SYNE4: variants seen among roughly 807,000 people sequenced by gnomAD.
SYNE4 encodes the protein nesprin-4.
SYNE4 carries 41 observed loss-of-function variants against 46.9 expected under a neutral mutation model. The ratio of observed to expected loss-of-function variants is 0.87; its 90% confidence interval spans 0.68 to 1.13. SYNE4 has a LOEUF of 1.13. Among genes scored for constraint, SYNE4 ranks in the 50% most tolerant of loss-of-function variants. SYNE4 has a pLI of 0.00. For missense variants in SYNE4, 492 were observed against 514.8 expected, an observed-to-expected ratio of 0.96 and a Z score of 0.43; for synonymous variants, 221 against 219.5, an observed-to-expected ratio of 1.01 and a Z score of -0.06.
At position 36,008,384 on chromosome 19, in the gene SYNE4, G is replaced by C. The variant is rs13344146; in HGVS notation, c.129-17C>G. 176 of 1,556,628 alleles carry C rather than the reference G, an allele frequency of 1.1e-4. No individual in the cohort carries two copies. The highest frequency in any genetic ancestry group is 2.2e-4 in the Admixed American group (12 of 55,360). On this transcript the variant is annotated splice_polypyrimidine_tract_variant and intron_variant, in intron 1 of 7. Coordinates refer to ENST00000324444, the MANE Select transcript of SYNE4 (RefSeq NM_001039876.3). ...TGCTCTGGGCTAGGAGGCAGGGGGC[G>C]GTGACTGGGTGAGTCTCGACACCTC...
Position 36,003,483 on chromosome 19 carries a change from G to A in SYNE4, c.1069C>T (p.Leu357Phe), listed in dbSNP as rs1471802685. ...DPASRQPLTF[L>F]LILFLLFLLL... ...AGGAAGAGGAGGAAGAGGATAAGGA[G>A]GAAGGTCAGAGGCTGCCTGGATGCA... Residue 357 changes from leucine (L) to phenylalanine (F), a missense_variant, in exon 8 of 8, where the codon CTC (leucine) becomes TTC (phenylalanine). Physicochemically the swap from Leu to Phe is conservative, Grantham distance 22 (BLOSUM62 0). Transcript: ENST00000324444. 6.2e-7 allele frequency: 1 copy of A among 1,607,854 alleles called. No homozygotes were observed. Among genetic ancestry groups the A allele is most frequent in the Non-Finnish European group, 8.5e-7 (1 of 1,177,004 alleles).
In SYNE4 at chr19:36,006,538, G is replaced by C. The variant is rs755595726; in HGVS notation, c.752C>G (p.Pro251Arg). ...LPTSTELEWD[P>R]AGDIGGLGPL... is the part of the protein sequence containing the mutation. ...CCCAAGGCCCCCAATGTCCCCCGCC[G>C]GATCCCACTCCAACTCTGTGGAAGT... The change falls in exon 5 of 8, where the codon CCG becomes CGG. Residue 251 changes from proline to arginine, a missense_variant. Pro to Arg is a moderately radical substitution (Grantham distance 103). Transcript: ENST00000324444. The C allele has an allele frequency of 1.2e-6, 2 of 1,606,806 alleles. No homozygotes were observed.
At position 36,008,593 on chromosome 19, in the gene SYNE4, C is replaced by T. The variant is rs1301819146; in HGVS notation, c.89G>A (p.Gly30Glu). The change falls in exon 1 of 8, where the codon GGA (glycine) becomes GAA (glutamate). Residue 30 changes from glycine (G) to glutamate (E), a missense_variant. By Grantham distance (98) the Gly-to-Glu change is moderately conservative. Transcript: ENST00000324444. ...TCCGGACGCGGGGCAGACGGTGCAT[C>T]CAACAATGTCCGCCTCTCTAGGTGC... is the stretch of plus-strand genomic sequence containing the variant. ...PGAPREADIV[G>E]CTVCPASGEE... 1.9e-6 allele frequency: 3 copies of T among 1,613,902 alleles called. No individual in the cohort carries two copies. The highest frequency in any genetic ancestry group is 1.1e-5 in the South Asian group (1 of 91,080).
intron 1 of SYNE4, 22 bp from the exon 2 acceptor site, chr19:36,008,389 C>T (rs1968458816): frequency 1.3e-6 from 2 of 1,558,074 alleles, no homozygotes; most frequent in South Asian, 1.2e-5. Flanking sequence ...GGGGCGGTGA[C>T]TGGGTGAGTC....
intron 3 of SYNE4, 28 bp downstream of exon 3, chr19:36,007,097 C>G: frequency 6.3e-7 from 1 of 1,588,364 alleles, no homozygotes; most frequent in Non-Finnish European, 8.6e-7. Context: ...GCCGTGCCCA[C>G]CCCCACATCC....
chr19:36,007,762 G>A (rs947321046), intron 2 of SYNE4, among the ~76,000 whole-genome samples: 1 of 151,480 alleles, frequency 6.6e-6, no homozygotes, highest in Admixed American at 6.6e-5. Context: ...GGTGACGCAC[G>A]CCTGTAATCC....
At chr19:36,005,550 GC>G in intron 5 of SYNE4, 113 bp from the exon 6 acceptor site, 1 of 902,454 alleles carries the variant, frequency 1.1e-6, no homozygotes, top group Non-Finnish European at 1.7e-6. Flanking sequence ...CAAAGGCAGA[GC>G]CAAAGAAACC....
rs543896789 is a variant in SYNE4, at chr19:36,007,192, C to T, written c.356G>A (p.Arg119Gln). Residue 119 changes from arginine to glutamine, a missense_variant, in exon 3 of 8, where the codon CGG (arginine) becomes CAG (glutamine). Transcript: ENST00000324444. ...CAGGCCTTGCTCCAGGTCCTGCAGCCGGCGGCCCAGCCCCAGCAGGCACAG... is the reference window on the plus strand; with the variant it reads ...CAGGCCTTGCTCCAGGTCCTGCAGCTGGCGGCCCAGCCCCAGCAGGCACAG... ...LHLCLLGLGR[R>Q]LQDLEQGLGH... is the part of the protein sequence containing the mutation. The T allele has an allele frequency of 2.6e-5, 41 of 1,584,916 alleles. No homozygotes were observed. The Admixed American group carries it at 5.1e-4, about 20-fold the overall frequency.
At position 36,007,176 on chromosome 19, in the gene SYNE4, C is replaced by T. The variant is rs757607234; in HGVS notation, c.372G>A (p.Glu124=). The T allele has an allele frequency of 6.3e-7, 1 of 1,590,048 alleles. No individual in the cohort carries two copies. The highest frequency in any genetic ancestry group is 2.3e-5 in the East Asian group (1 of 43,672). ...CCAATGCCCAGTGCCCCAGGCCTTGCTCCAGGTCCTGCAGCCGGCGGCCCA... is the reference window on the plus strand; with the variant it reads ...CCAATGCCCAGTGCCCCAGGCCTTGTTCCAGGTCCTGCAGCCGGCGGCCCA... ...LGLGRRLQDL[E]QGLGHWALAQ... is the part of the protein sequence containing the mutation. Residue 124 remains glutamate (E), a synonymous_variant, in exon 3 of 8, where the codon GAG becomes GAA. Coordinates refer to ENST00000324444, the MANE Select transcript of SYNE4 (RefSeq NM_001039876.3).
Position 36,008,379 on chromosome 19 carries a change from G to A in SYNE4, c.129-12C>T, listed in dbSNP as rs1568532596. 6.4e-7 allele frequency: 1 copy of A among 1,557,440 alleles called. No individual in the cohort carries two copies. The highest frequency in any genetic ancestry group is 8.7e-7 in the Non-Finnish European group (1 of 1,149,516). On this transcript the variant is annotated splice_polypyrimidine_tract_variant and intron_variant, in intron 1 of 7. Coordinates refer to ENST00000324444, the MANE Select transcript of SYNE4 (RefSeq NM_001039876.3). ...GGGCCTGCTCTGGGCTAGGAGGCAG[G>A]GGGCGGTGACTGGGTGAGTCTCGAC...
chr19:36,006,446 G>C lies in SYNE4; in HGVS notation c.844C>G (p.Gln282Glu). The C allele has an allele frequency of 6.2e-7, 1 of 1,611,564 alleles. No homozygotes were observed. Among genetic ancestry groups the C allele is most frequent in the South Asian group, 1.1e-5 (1 of 90,760 alleles). The change falls in exon 5 of 8, where the codon CAG becomes GAG. Residue 282 changes from glutamine (Q) to glutamate (E), a missense_variant. Gln to Glu is a conservative substitution (Grantham distance 29). Transcript: ENST00000324444. The part of the protein sequence containing the change: ...PCELCGQRGP[Q>E]GRGQGLEEAD... ...ACCTCAAGGCCTTGTCCCCTGCCCT[G>C]GGGCCCCCTCTGGCCACACAGCTCA...
chr19:36,003,396 G>A lies in SYNE4; in HGVS notation c.1156C>T (p.Arg386Ter), dbSNP rs775516004. 24 of 1,613,914 alleles carry A rather than the reference G, an allele frequency of 1.5e-5. No individual in the cohort carries two copies. Among genetic ancestry groups the A allele is most frequent in the Non-Finnish European group, 1.7e-5 (20 of 1,179,998 alleles). The change falls in exon 8 of 8, where the codon CGA becomes TGA. Residue 386 changes from arginine (R) to a stop codon, truncating the protein, a stop_gained. Coordinates refer to ENST00000324444, the MANE Select transcript of SYNE4 (RefSeq NM_001039876.3). LOFTEE classifies it high-confidence loss of function. ...ASGGPCCSHARIPRTPYLVLS... is the reference protein window; with the variant it reads ...ASGGPCCSHA ...ACCAGGTAGGGTGTCCTGGGTATTC[G>A]GGCATGAGAGCAGCAGGGGCCTCCT...
At position 36,006,669 on chromosome 19, in the gene SYNE4, C is replaced by T. The variant is rs764943013; in HGVS notation, c.621G>A (p.Val207=). 1 of 1,596,578 alleles carries T rather than the reference C, an allele frequency of 6.3e-7. No homozygotes were observed. Among genetic ancestry groups the T allele is most frequent in the South Asian group, 1.1e-5 (1 of 89,330 alleles). Residue 207 remains valine (V), a splice_region_variant and synonymous_variant, in exon 5 of 8, where the codon GTG becomes GTA. Coordinates refer to ENST00000324444, the MANE Select transcript of SYNE4 (RefSeq NM_001039876.3). ...GGTCCAGCGTGTTGGCCTCCTCGAA[C>T]ACCTGGGTCAAAGGACAGAGGTCAT... ...LQAQLVSYSL[V]FEEANTLDQD...
intron 1 of SYNE4, 59 bp downstream of exon 1, chr19:36,008,495 T>C (rs965007530): frequency 3.7e-6 from 6 of 1,610,736 alleles, no homozygotes; most frequent in Admixed American, 1.7e-5. Context: ...TACCCTCACA[T>C]GGCCCCTGCC....
intron 6 of SYNE4, among the ~76,000 whole-genome samples, chr19:36,004,275 G>C (rs1976775994): frequency 6.6e-6 from 1 of 152,142 alleles, no homozygotes; most frequent in South Asian, 2.1e-4. Flanking sequence ...CTCCTGCCTT[G>C]ACCTCCCAAA....
chr19:36,007,104 A>C, intron 3 of SYNE4, 21 bp downstream of exon 3: 2 of 1,591,486 alleles, frequency 1.3e-6, no homozygotes, highest in Non-Finnish European at 1.7e-6. Context: ...CCACCCCCAC[A>C]TCCTGGCCTC....
chr19:36,006,441 G>A lies in SYNE4; in HGVS notation c.849C>T (p.Gly283=), dbSNP rs759653890. 2.5e-6 allele frequency: 4 copies of A among 1,611,326 alleles called. No homozygotes were observed. Among genetic ancestry groups the A allele is most frequent in the Non-Finnish European group, 2.5e-6 (3 of 1,179,102 alleles). Residue 283 remains glycine (G), a synonymous_variant, in exon 5 of 8, where the codon GGC becomes GGT. Coordinates refer to ENST00000324444, the MANE Select transcript of SYNE4 (RefSeq NM_001039876.3). ...CELCGQRGPQ[G]RGQGLEEADT... is the part of the protein sequence containing the mutation. The stretch of plus-strand genomic sequence containing the variant: ...CTCTCACCTCAAGGCCTTGTCCCCT[G>A]CCCTGGGGCCCCCTCTGGCCACACA...
intron 2 of SYNE4, 89 bp downstream of exon 2, chr19:36,008,128 C>A: frequency 2.7e-6 from 4 of 1,457,632 alleles, no homozygotes; most frequent in South Asian, 1.5e-5. Context: ...TTTCCAGAAT[C>A]ATCACCCGGT....
chr19:36,006,352 C>T (rs1976849117), intron 5 of SYNE4, 71 bp downstream of exon 5: 2 of 1,499,236 alleles, frequency 1.3e-6, no homozygotes, highest in Non-Finnish European at 1.8e-6. Flanking sequence ...AGGGCAGGAT[C>T]TTGCTAGAAG....
Sources: gnomAD v4.1 joint callset for allele counts (sites outside exome capture counted in the v4.1 genomes callset) on GRCh38, gnomAD v4.1.1 for gene constraint, MANE v1.5 for transcripts, NCBI Gene and HGNC (gene_info 2026-07-23, HGNC 2026-07-21) for gene names.